CKLF: variants seen among roughly 807,000 people sequenced by gnomAD.
CKLF encodes chemokine like factor, also known as chemokine-like factor.
A neutral mutation model predicts 12.9 loss-of-function variants in CKLF; 16 were observed. That is an observed-to-expected ratio of 1.24 (90% CI 0.84 to 1.88). The LOEUF (loss-of-function observed/expected upper bound fraction) is 1.88. Ranked by LOEUF, CKLF falls within the 40% of genes most tolerant of loss-of-function variation. The pLI is 0.00. For missense variants in CKLF, 172 were observed against 188.5 expected (o/e 0.91, Z 0.51); for synonymous variants, 61 against 69.0 (o/e 0.88, Z 0.57).
At position 66,552,800 on chromosome 16, in the gene CKLF, C is replaced by A; in HGVS notation, c.78+7C>A. 3.1e-6 allele frequency: 5 copies of A among 1,613,900 alleles called. No homozygotes were observed. Among genetic ancestry groups the A allele is most frequent in the Non-Finnish European group, 4.2e-6 (5 of 1,179,906 alleles). ...CGTGAAGATGCTGCGGCTGGTGAGGCCGGGCCGCGGAGGGCGGGAGGCTGA... is the reference window on the plus strand; with the variant it reads ...CGTGAAGATGCTGCGGCTGGTGAGGACGGGCCGCGGAGGGCGGGAGGCTGA... On this transcript the variant is annotated splice_region_variant and intron_variant, in intron 1 of 3. Coordinates refer to ENST00000264001, the MANE Select transcript of CKLF (RefSeq NM_016951.4).
At chr16:66,554,918 A>C (rs1208909121) in intron 1 of CKLF, among the ~76,000 whole-genome samples, 1 of 152,138 alleles carries the variant, frequency 6.6e-6, no homozygotes, top group Non-Finnish European at 1.5e-5. Flanking sequence ...GTTTTAAGTA[A>C]AGTATATGAT....
intron 3 of CKLF, among the ~76,000 whole-genome samples, chr16:66,564,036 G>A (rs958546271): frequency 1.3e-5 from 2 of 152,320 alleles, no homozygotes; most frequent in South Asian, 2.1e-4. Context: ...ACTTCATGAG[G>A]AGTCAGAATT....
At chr16:66,560,503 T>C (rs1337004812) in intron 2 of CKLF, among the ~76,000 whole-genome samples, 1 of 151,994 alleles carries the variant, frequency 6.6e-6, no homozygotes, top group African/African-American at 2.4e-5. Context: ...ATACTAGATT[T>C]TAGTTACTTA....
chr16:66,559,164 G>C (rs8058090), intron 2 of CKLF, among the ~76,000 whole-genome samples: 9,618 of 152,228 alleles, frequency 0.063, 457 homozygotes, highest in East Asian at 0.12. Context: ...CTTGGCTGCA[G>C]TGGTCTCATC....
At chr16:66,564,100 A>G (rs16956716) in intron 3 of CKLF, among the ~76,000 whole-genome samples, 428 of 152,332 alleles carry the variant, frequency 2.8e-3, no homozygotes, top group Non-Finnish European at 4.7e-3. Flanking sequence ...TTTTGAAGAT[A>G]ATACTCATCT....
rs1001247706 is a variant in CKLF, at chr16:66,562,893, G to GT, written c.238-221dup. On this transcript the variant is annotated intron_variant, in intron 2 of 3. Coordinates refer to ENST00000264001, the MANE Select transcript of CKLF (RefSeq NM_016951.4). ...GCACCACCATGTCTGGCTAATTTTT[G>GT]TTTTTTTTAGTAGAGACGGGGTTTC... is the stretch of plus-strand genomic sequence containing the variant. 1.2e-4 allele frequency among the ~76,000 whole-genome samples: 18 copies of GT among 151,726 alleles called. No individual in the cohort carries two copies. The East Asian group carries it at 1.5e-3, about 13-fold the overall frequency.
intron 1 of CKLF, among the ~76,000 whole-genome samples, chr16:66,557,583 A>C (rs2011496752): frequency 6.6e-6 from 1 of 152,262 alleles, no homozygotes. Flanking sequence ...GGATGGTAAG[A>C]AATTATAGAC....
chr16:66,562,499 T>C (rs2011802253), intron 2 of CKLF, among the ~76,000 whole-genome samples: 1 of 152,228 alleles, frequency 6.6e-6, no homozygotes, highest in African/African-American at 2.4e-5. Context: ...CTTTATTTCC[T>C]AATCAGATGA....
chr16:66,559,539 C>T (rs1375513483), intron 2 of CKLF, among the ~76,000 whole-genome samples: 1 of 152,186 alleles, frequency 6.6e-6, no homozygotes, highest in African/African-American at 2.4e-5. Context: ...GGATAATGAA[C>T]ACTGGTCCAC....
chr16:66,564,363 C>T (rs1296420697), intron 3 of CKLF, among the ~76,000 whole-genome samples: 2 of 152,012 alleles, frequency 1.3e-5, no homozygotes, highest in African/African-American at 4.8e-5. Context: ...TTACCCCCAA[C>T]AAGGAATGTA....
Position 66,552,596 on chromosome 16 carries a change from G to A in CKLF, c.-120G>A, listed in dbSNP as rs963888271. ...AAGAGAGCGGGAAGCCGAGCTGGGC[G>A]AGAAGTAGGGGAGGGCGGTGCTCCG... On this transcript the variant is annotated 5_prime_UTR_variant, in exon 1 of 4. Transcript: ENST00000264001. 6.7e-6 allele frequency: 10 copies of A among 1,500,584 alleles called. No individual in the cohort carries two copies. Among genetic ancestry groups the A allele is most frequent in the South Asian group, 1.2e-5 (1 of 84,238 alleles). 93.0% of individuals were successfully genotyped at this position (1,500,584 alleles called of 1,614,324 possible).
chr16:66,564,505 T>C (rs1198765697), intron 3 of CKLF, among the ~76,000 whole-genome samples: 1 of 151,584 alleles, frequency 6.6e-6, no homozygotes, highest in African/African-American at 2.4e-5. Context: ...TCTGTCTCTG[T>C]CGCCCAGGCT....
chr16:66,563,439 G>A (rs1201219687), intron 3 of CKLF, among the ~76,000 whole-genome samples: 2 of 152,084 alleles, frequency 1.3e-5, no homozygotes, highest in Non-Finnish European at 2.9e-5. Flanking sequence ...CCAATAAAGG[G>A]GTTCCTACAG....
At chr16:66,565,431 T>C (rs1163350687) in intron 3 of CKLF, among the ~76,000 whole-genome samples, 1 of 152,220 alleles carries the variant, frequency 6.6e-6, no homozygotes, top group Non-Finnish European at 1.5e-5. Context: ...TAACTCCAGT[T>C]TTCTGGAGCT....
rs1265199856 is a variant in CKLF at position 66,563,131 on chromosome 16, A to G, written c.247A>G (p.Asn83Asp). 5.0e-6 allele frequency: 8 copies of G among 1,613,950 alleles called. No homozygotes were observed. Among genetic ancestry groups the G allele is most frequent in the Non-Finnish European group, 6.8e-6 (8 of 1,180,046 alleles). The change falls in exon 3 of 4, where the codon AAC (asparagine) becomes GAC (aspartate). Residue 83 changes from asparagine (N) to aspartate (D), a missense_variant. Asn to Asp is a conservative substitution (Grantham distance 23). Transcript: ENST00000264001. ...WLFWPLLDII[N>D]SLVTTVFMLI... is the part of the protein sequence containing the mutation. The stretch of plus-strand genomic sequence containing the variant: ...TATTGTGTGTTTTTAGGATATTATC[A>G]ACTCACTGGTAACAACAGTATTCAT...
chr16:66,562,971 C>T, intron 2 of CKLF, 151 bp from the exon 3 acceptor site: 1 of 805,878 alleles, frequency 1.2e-6, no homozygotes, highest in African/African-American at 1.7e-5. Context: ...ATCTGTCTGC[C>T]TTCCAAAGTG....
chr16:66,566,133 C>G, downstream of CKLF: 1 of 1,606,120 alleles, frequency 6.2e-7, no homozygotes, highest in South Asian at 1.1e-5. The surrounding 1 kb of genome is among the most constrained non-coding windows in gnomAD (Gnocchi z 4.9). Flanking sequence ...GAAGTCTGCA[C>G]CCCGCGCAGA....
At chr16:66,563,084 G>A in intron 2 of CKLF, 38 bp from the exon 3 acceptor site, 1 of 1,610,304 alleles carries the variant, frequency 6.2e-7, no homozygotes, top group Non-Finnish European at 8.5e-7. Context: ...TTGCTTGGTA[G>A]TCTTCATGTA....
chr16:66,558,288 C>T lies in CKLF; in HGVS notation c.177C>T (p.Phe59=). 6.2e-7 allele frequency: 1 copy of T among 1,613,794 alleles called. No homozygotes were observed. Among genetic ancestry groups the T allele is most frequent in the Non-Finnish European group, 8.5e-7 (1 of 1,179,956 alleles). ...TGFEVTVILF[F]ILLYVLRLDR... ...TTGAAGTCACCGTTATCTTATTTTT[C>T]ATACTTTTATATGTACTCAGACTTG... The change falls in exon 2 of 4, where the codon TTC becomes TTT. Residue 59 remains phenylalanine (F), a synonymous_variant. Transcript: ENST00000264001.
Sources: gnomAD v4.1 joint callset for allele counts (sites outside exome capture counted in the v4.1 genomes callset) on GRCh38, gnomAD v4.1.1 for gene constraint, Gnocchi (gnomAD v3.1) non-coding constraint, MANE v1.5 for transcripts, NCBI Gene and HGNC (gene_info 2026-07-23, HGNC 2026-07-21) for gene names.